Variants in NMT2 observed in about 807,000 individuals in gnomAD.
The protein encoded by NMT2 is N-myristoyltransferase 2.
A neutral mutation model predicts 65.4 loss-of-function variants in NMT2; 35 were observed. The observed-to-expected ratio is 0.54, with a 90% CI of 0.41 to 0.71. NMT2 has a LOEUF of 0.71. NMT2 is among the 30% of genes least tolerant of loss of function. NMT2 has a pLI of 0.00. For synonymous variants in NMT2, 226 were observed against 231.8 expected, an observed-to-expected ratio of 0.98 and a Z score of 0.23; for missense variants, 489 against 611.3, an observed-to-expected ratio of 0.80 and a Z score of 2.11.
At position 15,108,978 on chromosome 10, in the gene NMT2, C is replaced by T; in HGVS notation, c.*217G>A. 7.6e-7 allele frequency: 1 copy of T among 1,318,646 alleles called. No homozygotes were observed. Among genetic ancestry groups the T allele is most frequent in the African/African-American group, 1.5e-5 (1 of 64,970 alleles). 81.7% of individuals were successfully genotyped at this position (1,318,646 alleles called of 1,614,324 possible). A position where few individuals can be genotyped will look rare whatever the true frequency, so the allele number is the denominator to read the frequency against. ...ATGTGCTCTTTGTAGCCTTTCATCC[C>T]TCCCACAAATAGGTCAACAGTAAAA... On this transcript the variant is annotated 3_prime_UTR_variant, in exon 12 of 12. Transcript: ENST00000378165.
Position 15,161,602 on chromosome 10 carries a change from C to T in NMT2, c.110+6901G>A, listed in dbSNP as rs370632270. Among the ~76,000 whole-genome samples, 1,023 of 152,152 alleles carry T rather than the reference C, an allele frequency of 6.7e-3. 13 individuals are homozygous for T. The highest frequency in any genetic ancestry group is 0.024 in the African/African-American group (978 of 41,504). ...CTCGAACTCCTGACCTCAGGTGATC[C>T]GCCCACCCCGGCCTCCCAAAGTGCT... On this transcript the variant is annotated intron_variant, in intron 1 of 11. Transcript: ENST00000378165.
chr10:15,135,455 C>T (rs778247545), intron 2 of NMT2, 37 bp from the exon 3 acceptor site: 13 of 1,602,640 alleles, frequency 8.1e-6, no homozygotes, highest in African/African-American at 2.7e-5. Context: ...TATGAGAGAG[C>T]GGCTGCTGAT....
chr10:15,167,717 G>C (rs1188152183), intron 1 of NMT2, among the ~76,000 whole-genome samples: 1 of 152,228 alleles, frequency 6.6e-6, no homozygotes, highest in Admixed American at 6.5e-5. Context: ...AGCAAATCAA[G>C]TCTGCAGGGT....
chr10:15,123,275 G>A (rs1183967891), intron 8 of NMT2, among the ~76,000 whole-genome samples: 6 of 152,032 alleles, frequency 3.9e-5, no homozygotes, highest in African/African-American at 1.2e-4. Context: ...TGCCAGGCAC[G>A]GTGGCTCACA....
chr10:15,128,393 T>C lies in NMT2; in HGVS notation c.956A>G (p.Asn319Ser), dbSNP rs1846168478. Residue 319 changes from asparagine (N) to serine (S), a missense_variant, in exon 8 of 12, where the codon AAT becomes AGT. By Grantham distance (46) the Asn-to-Ser change is conservative. Coordinates refer to ENST00000378165, the MANE Select transcript of NMT2 (RefSeq NM_004808.3). ...CTTCATTGTTCTCTGTAAAGTCATA[T>C]TTCTACTCAAGTGAGAAAATTTCAC... ...VEVKFSHLSRNMTLQRTMKLY... is the reference protein window; with the variant it reads ...VEVKFSHLSRSMTLQRTMKLY... 3 of 1,610,718 alleles carry C rather than the reference T, an allele frequency of 1.9e-6. No homozygotes were observed. Among genetic ancestry groups the C allele is most frequent in the Non-Finnish European group, 2.5e-6 (3 of 1,177,138 alleles).
chr10:15,144,277 T>C (rs953664069), intron 1 of NMT2, among the ~76,000 whole-genome samples: 2 of 152,148 alleles, frequency 1.3e-5, no homozygotes, highest in Non-Finnish European at 2.9e-5. Flanking sequence ...CTCCCAGACA[T>C]ATCTGATAGC....
chr10:15,136,694 G>C lies in NMT2; in HGVS notation c.247-1276C>G, dbSNP rs150465977. Among the ~76,000 whole-genome samples, 68 of 152,194 alleles carry C rather than the reference G, an allele frequency of 4.5e-4. No individual in the cohort carries two copies. In the East Asian group the frequency reaches 9.1e-3, roughly 20 times the overall value. On this transcript the variant is annotated intron_variant, in intron 2 of 11. Transcript: ENST00000378165. ...AATTTCCTCTGTACTTCAGATCCTG[G>C]GCAACCATAGCCTGTCGTTCCCAGC... is the stretch of plus-strand genomic sequence containing the variant.
intron 2 of NMT2, chr10:15,139,842 C>T (rs757489151): frequency 3.1e-4 from 35 of 112,516 alleles, no homozygotes; most frequent in Non-Finnish European, 2.0e-4. Flanking sequence ...ATCCACAAAG[C>T]TTGTAGAATG....
intron 5 of NMT2, 50 bp from the exon 6 acceptor site, chr10:15,132,983 ACAGGAACAGACG>A: frequency 6.3e-7 from 1 of 1,597,200 alleles, no homozygotes; most frequent in Middle Eastern, 1.7e-4. Context: ...GTCCAAGAAC[ACAGGAACAGACG>A]CAGGAGTCCC....
intron 1 of NMT2, among the ~76,000 whole-genome samples, chr10:15,164,238 G>A (rs1833302613): frequency 6.7e-6 from 1 of 150,080 alleles, no homozygotes. Flanking sequence ...CTACCCCAGG[G>A]ACTAATTTAG....
intron 1 of NMT2, among the ~76,000 whole-genome samples, chr10:15,153,210 C>T (rs1313345165): frequency 6.6e-6 from 1 of 152,204 alleles, no homozygotes; most frequent in Non-Finnish European, 1.5e-5. Flanking sequence ...CACTTGAAGT[C>T]AGGAGTTCCA....
chr10:15,127,898 CA>C (rs75529340), intron 8 of NMT2, among the ~76,000 whole-genome samples: 19,347 of 103,972 alleles, frequency 0.19, 2,766 homozygotes, highest in African/African-American at 0.49. Context: ...AGACTGTCTC[CA>C]AAAAAAAAAA....
chr10:15,152,368 C>CATTTTTTA (rs1366286253), intron 1 of NMT2, among the ~76,000 whole-genome samples: 1 of 152,112 alleles, frequency 6.6e-6, no homozygotes, highest in Non-Finnish European at 1.5e-5. Context: ...AGAAATACCA[C>CATTTTTTA]AGAGCTCTGA....
chr10:15,142,389 C>G (rs557285526), intron 1 of NMT2, among the ~76,000 whole-genome samples: 50 of 151,602 alleles, frequency 3.3e-4, no homozygotes, highest in African/African-American at 1.1e-3. Context: ...GAAACCCAGC[C>G]TCTACCAAAA....
chr10:15,112,770 G>T (rs775395748), intron 10 of NMT2, 26 bp downstream of exon 10: 1 of 1,587,680 alleles, frequency 6.3e-7, no homozygotes, highest in Admixed American at 1.8e-5. Context: ...AGAACCAAAC[G>T]GCGTGAACAG....
chr10:15,110,366 G>A (rs761647996), intron 10 of NMT2, among the ~76,000 whole-genome samples: 1 of 152,154 alleles, frequency 6.6e-6, no homozygotes, highest in African/African-American at 2.4e-5. Flanking sequence ...TGTAATCCCA[G>A]CACTTTGGGA....
At chr10:15,151,480 G>A (rs1048138782) in intron 1 of NMT2, among the ~76,000 whole-genome samples, 4 of 152,174 alleles carry the variant, frequency 2.6e-5, no homozygotes, top group East Asian at 1.9e-4. Context: ...CCAGAAACAC[G>A]TCTCACATGA....
chr10:15,109,716 T>C lies in NMT2; in HGVS notation c.1462A>G (p.Thr488Ala), dbSNP rs1845443512. 1 of 1,611,498 alleles carries C rather than the reference T, an allele frequency of 6.2e-7. No homozygotes were observed. Among genetic ancestry groups the C allele is most frequent in the Non-Finnish European group, 8.5e-7 (1 of 1,179,230 alleles). ...YYLYNWRCPG[T>A]DSEKVGLVLQ ...ATTTCACTTACCTTTTCAGAATCTGTACCTGGACACCTCCAATTGTACAGG... is the reference window on the plus strand; with the variant it reads ...ATTTCACTTACCTTTTCAGAATCTGCACCTGGACACCTCCAATTGTACAGG... Residue 488 changes from threonine to alanine, a missense_variant, in exon 11 of 12, where the codon ACA becomes GCA. Thr to Ala is a moderately conservative substitution (Grantham distance 58). Transcript: ENST00000378165.
chr10:15,125,658 GTATTTAGTTATT>G (rs887322471), intron 8 of NMT2, among the ~76,000 whole-genome samples: 3 of 152,222 alleles, frequency 2.0e-5, no homozygotes, highest in Non-Finnish European at 2.9e-5. Flanking sequence ...ATGTACGTAT[GTATTTAGTTATT>G]TATTTAGTTA....
Sources: allele counts gnomAD v4.1 joint callset (sites outside exome capture counted in the v4.1 genomes callset), GRCh38; gene constraint gnomAD v4.1.1; transcripts MANE v1.5; gene names NCBI Gene and HGNC (gene_info 2026-07-23, HGNC 2026-07-21).